Variants in WNK3 observed in about 807,000 individuals in gnomAD.
WNK3 encodes the protein serine/threonine-protein kinase WNK3.
Under a neutral mutation model 116.7 loss-of-function variants are expected in WNK3, and 18 were observed. That is an observed-to-expected ratio of 0.15 (90% confidence interval 0.11 to 0.23). The LOEUF is 0.23. Among genes scored for constraint, WNK3 ranks in the 10% least tolerant of loss-of-function variants. The probability of loss-of-function intolerance (pLI) is 1.00; values close to 1 mark genes in which losing one functional copy is unlikely to be tolerated. For missense variants in WNK3, 993 were observed against 1,323.8 expected (o/e 0.75, Z 3.88); for synonymous variants, 404 against 469.4 (o/e 0.86, Z 1.80).
rs782387983 is a variant in WNK3, at chrX:54,303,753, T to C, written c.1090-1894A>G. ...ATAAAAAATTAAAAATAAAAATAAATTTTCTAAAATAAATACATTTAAAAA... is the reference window on the plus strand; with the variant it reads ...ATAAAAAATTAAAAATAAAAATAAACTTTCTAAAATAAATACATTTAAAAA... On this transcript the variant is annotated intron_variant, in intron 5 of 23. Coordinates refer to ENST00000354646, the Ensembl canonical transcript of WNK3. 3.6e-5 allele frequency among the ~76,000 whole-genome samples: 4 copies of C among 111,315 alleles called. No homozygotes were observed. The East Asian group carries it at 1.1e-3, about 31-fold the overall frequency.
intron 2 of WNK3, among the ~76,000 whole-genome samples, chrX:54,315,938 T>C (rs782027563): frequency 2.7e-5 from 3 of 111,006 alleles, no homozygotes; most frequent in Non-Finnish European, 3.8e-5. Context: ...TCTCCTAGAA[T>C]GCAAAAGCTA....
chrX:54,355,040 C>T (rs1454588105), intron 1 of WNK3, among the ~76,000 whole-genome samples: 2 of 111,246 alleles, frequency 1.8e-5, no homozygotes, highest in African/African-American at 6.5e-5. Flanking sequence ...GCCAAGATCA[C>T]GCCACTGCAC....
exon 15 of WNK3, chrX:54,251,416 G>C (rs1207463417): frequency 8.5e-7 from 1 of 1,180,668 alleles, no homozygotes; most frequent in Admixed American, 2.3e-5. Context: ...TTGAGTAGAT[G>C]TAGAATTTAT....
chrX:54,248,847 T>C (rs1557153292), exon 17 of WNK3: 2 of 1,211,693 alleles, frequency 1.7e-6, no homozygotes, highest in South Asian at 3.5e-5. Flanking sequence ...TATCTTTAAT[T>C]CCACAGTGAC....
intron 2 of WNK3, among the ~76,000 whole-genome samples, chrX:54,323,776 A>C: frequency 9.0e-6 from 1 of 111,204 alleles, no homozygotes; most frequent in Non-Finnish European, 1.9e-5. Flanking sequence ...TTCTACTGTA[A>C]GCTTTGTGAA....
chrX:54,228,843 A>T, intron 21 of WNK3, 100 bp from the exon 22 acceptor site: 1 of 408,897 alleles, frequency 2.4e-6, no homozygotes, highest in Non-Finnish European at 4.4e-6. Context: ...TAAATTAATA[A>T]AGGGCATATA....
chrX:54,270,862 T>C (rs782127599), intron 10 of WNK3, among the ~76,000 whole-genome samples: 13 of 111,610 alleles, frequency 1.2e-4, no homozygotes, highest in African/African-American at 3.9e-4. Flanking sequence ...GTTAGTTTGC[T>C]GAGAATAATA....
At chrX:54,218,227 C>T (rs1392033505) in intron 22 of WNK3, among the ~76,000 whole-genome samples, 1 of 111,102 alleles carries the variant, frequency 9.0e-6, no homozygotes, top group African/African-American at 3.3e-5. Context: ...ATGTGCATTC[C>T]TCAGGGCCAC....
exon 18 of WNK3, chrX:54,239,049 A>T (rs2067993816): frequency 8.3e-7 from 1 of 1,207,772 alleles, no homozygotes; most frequent in Non-Finnish European, 1.1e-6. Context: ...TTGACACAGC[A>T]GCAGGATAGG....
intron 22 of WNK3, among the ~76,000 whole-genome samples, chrX:54,203,103 G>A (rs903491272): frequency 8.9e-6 from 1 of 112,239 alleles, no homozygotes; most frequent in Non-Finnish European, 1.9e-5. Flanking sequence ...TTAAAAAGAT[G>A]AATGTGTATC....
chrX:54,270,950 T>G (rs2068376669), intron 10 of WNK3, among the ~76,000 whole-genome samples: 1 of 111,940 alleles, frequency 8.9e-6, no homozygotes, highest in Non-Finnish European at 1.9e-5. Context: ...CTAATTTTTT[T>G]GTATTTTTAG....
rs1488373298 is a variant in WNK3, at chrX:54,296,421, G to T, written c.1399-1574C>A. Among the ~76,000 whole-genome samples the T allele has an allele frequency of 2.7e-5, 3 of 110,975 alleles. No homozygotes were observed. In the Admixed American group the frequency reaches 2.9e-4, roughly 11 times the overall value. ...TCAATATGCCATTGCTGGCTTTGAA[G>T]ACGGGGTGGAGACATGGAAAGGACT... On this transcript the variant is annotated intron_variant, in intron 7 of 23. Coordinates refer to ENST00000354646, the Ensembl canonical transcript of WNK3.
At chrX:54,306,185 C>A (rs1424235377) in intron 5 of WNK3, among the ~76,000 whole-genome samples, 1 of 111,203 alleles carries the variant, frequency 9.0e-6, no homozygotes, top group African/African-American at 3.3e-5. Flanking sequence ...AAAAGGGAAC[C>A]CTTGTACGTT....
At chrX:54,221,699 G>C (rs1175942118) in intron 22 of WNK3, among the ~76,000 whole-genome samples, 1 of 110,258 alleles carries the variant, frequency 9.1e-6, no homozygotes, top group East Asian at 2.9e-4. Context: ...GCCAGGCATG[G>C]TGACGCACGC....
chrX:54,349,008 A>G (rs1275639370), intron 1 of WNK3, among the ~76,000 whole-genome samples: 1 of 112,347 alleles, frequency 8.9e-6, no homozygotes, highest in Non-Finnish European at 1.9e-5. Flanking sequence ...AATCTGCCAT[A>G]TATCTCAGTA....
intron 15 of WNK3, among the ~76,000 whole-genome samples, chrX:54,250,927 TATC>T (rs1557154011): frequency 2.7e-5 from 3 of 111,342 alleles, no homozygotes. Flanking sequence ...TCTGGAAGTT[TATC>T]TGGTATCTGA....
exon 20 of WNK3, chrX:54,237,428 A>G (rs2067974908): frequency 8.3e-7 from 1 of 1,207,811 alleles, no homozygotes; most frequent in Non-Finnish European, 1.1e-6. Flanking sequence ...ATTTCTACCA[A>G]CTGAGACTTT....
chrX:54,258,277 C>CA (rs1177900992), intron 11 of WNK3, among the ~76,000 whole-genome samples: 1,368 of 27,566 alleles, frequency 0.05, 33 homozygotes, highest in Non-Finnish European at 0.056. Context: ...GACTCCATCT[C>CA]AAAAAAAAAA....
intron 17 of WNK3, among the ~76,000 whole-genome samples, chrX:54,247,141 T>C (rs113737738): frequency 0.026 from 2,860 of 111,210 alleles, 100 homozygotes; most frequent in African/African-American, 0.09. Flanking sequence ...AAGAATTCCA[T>C]GACACCAGAA....
Sources: allele counts gnomAD v4.1 joint callset (sites outside exome capture counted in the v4.1 genomes callset), GRCh38; gene constraint gnomAD v4.1.1; transcripts MANE v1.5; gene names NCBI Gene and HGNC (gene_info 2026-07-23, HGNC 2026-07-21).